SLC2A9: variants seen among roughly 807,000 people sequenced by gnomAD.
The protein encoded by SLC2A9 is solute carrier family 2, facilitated glucose transporter member 9.
Under a neutral mutation model 50.6 loss-of-function variants are expected in SLC2A9, and 39 were observed. The ratio of observed to expected loss-of-function variants is 0.77; its 90% CI spans 0.60 to 1.01. SLC2A9 has a LOEUF of 1.01. Ranked by LOEUF, SLC2A9 falls within the 50% of genes least tolerant of loss-of-function variation. The pLI is 0.00. For synonymous variants in SLC2A9, 324 were observed against 276.9 expected (o/e 1.17, Z -1.69); for missense variants, 686 against 677.6 (o/e 1.01, Z -0.14).
chr4:9,845,898 C>T (rs934204590), intron 10 of SLC2A9, among the ~76,000 whole-genome samples: 5 of 152,186 alleles, frequency 3.3e-5, no homozygotes, highest in South Asian at 4.1e-4. Flanking sequence ...AAACTCTTCA[C>T]GGGCATTCTG....
chr4:9,846,531 T>A (rs770362450), intron 10 of SLC2A9, among the ~76,000 whole-genome samples: 21 of 152,216 alleles, frequency 1.4e-4, no homozygotes, highest in Non-Finnish European at 1.5e-5. Flanking sequence ...TGGGCTCCTC[T>A]GGCTCTGCTG....
At chr4:9,990,398 A>G (rs895561326) in intron 3 of SLC2A9, among the ~76,000 whole-genome samples, 1 of 152,126 alleles carries the variant, frequency 6.6e-6, no homozygotes, top group African/African-American at 2.4e-5. Flanking sequence ...CCATAAATAC[A>G]TATGGTTCTT....
chr4:9,776,689 G>A (rs1717612305), downstream of SLC2A9, among the ~76,000 whole-genome samples: 1 of 152,170 alleles, frequency 6.6e-6, no homozygotes, highest in African/African-American at 2.4e-5. Flanking sequence ...ACCTAGATAT[G>A]CTCCACCATA....
At chr4:9,917,282 A>C (rs1379560015) in intron 7 of SLC2A9, among the ~76,000 whole-genome samples, 3 of 152,020 alleles carry the variant, frequency 2.0e-5, no homozygotes, top group African/African-American at 7.2e-5. Flanking sequence ...GAAATAAATA[A>C]ATAAATGTTG....
chr4:9,773,505 G>C (rs1717119108), intron 1 of SLC2A9, among the ~76,000 whole-genome samples: 1 of 152,210 alleles, frequency 6.6e-6, no homozygotes, highest in Non-Finnish European at 1.5e-5. Context: ...GAGGGTCAAT[G>C]AGTTCAAATA....
intron 7 of SLC2A9, among the ~76,000 whole-genome samples, chr4:9,919,905 G>A (rs2110080712): frequency 6.6e-6 from 1 of 152,246 alleles, no homozygotes; most frequent in South Asian, 2.1e-4. Context: ...ACCTCATGGA[G>A]AGACCTCCTC....
At chr4:10,010,205 A>G (rs916644114) in intron 2 of SLC2A9, among the ~76,000 whole-genome samples, 7 of 152,162 alleles carry the variant, frequency 4.6e-5, no homozygotes, top group African/African-American at 1.7e-4. Flanking sequence ...AACCCCAATA[A>G]AAATTTGGAA....
chr4:9,997,642 G>A (rs1219114768), intron 2 of SLC2A9, among the ~76,000 whole-genome samples: 1 of 152,130 alleles, frequency 6.6e-6, no homozygotes, highest in Non-Finnish European at 1.5e-5. Context: ...GGAGGTTGCA[G>A]TGAGCCAAGA....
At chr4:9,804,298 C>T (rs986054577) in intron 3 of SLC2A9, among the ~76,000 whole-genome samples, 7 of 152,128 alleles carry the variant, frequency 4.6e-5, no homozygotes, top group Admixed American at 6.5e-5. Context: ...GCCAGCAGGT[C>T]TAGGTTGAGA....
chr4:9,866,529 C>A (rs911051236), intron 10 of SLC2A9, among the ~76,000 whole-genome samples: 3 of 152,150 alleles, frequency 2.0e-5, no homozygotes, highest in Admixed American at 1.3e-4. Flanking sequence ...GTCACACGTG[C>A]CTCCTTGTTC....
In SLC2A9 at chr4:9,867,280, G is replaced by A. The variant is rs149815051; in HGVS notation, c.1291+20287C>T. On this transcript the variant is annotated intron_variant, in intron 10 of 11. Transcript: ENST00000264784. ...CTGCTAAAGAAGAAAGAAAGTAGACGCAGTGTTTCCTTCAAGGCCTGGTTC... is the reference window on the plus strand; with the variant it reads ...CTGCTAAAGAAGAAAGAAAGTAGACACAGTGTTTCCTTCAAGGCCTGGTTC... Among the ~76,000 whole-genome samples the A allele has an allele frequency of 2.9e-3, 446 of 152,288 alleles. 1 individual carries two copies. The highest frequency in any genetic ancestry group is 4.5e-3 in the Non-Finnish European group (309 of 68,030).
chr4:9,826,657 A>T (rs1725184700), intron 11 of SLC2A9, 57 bp from the exon 12 acceptor site: 16 of 1,508,414 alleles, frequency 1.1e-5, no homozygotes, highest in Non-Finnish European at 1.4e-5. Flanking sequence ...CTTGCTGTTA[A>T]ACCATCTCTA....
At chr4:9,993,228 T>C (rs1758019652) in intron 3 of SLC2A9, among the ~76,000 whole-genome samples, 1 of 152,228 alleles carries the variant, frequency 6.6e-6, no homozygotes, top group Non-Finnish European at 1.5e-5. Context: ...CTATAGTTTC[T>C]TATATGTTTT....
At chr4:9,797,790 T>C (rs1248684526), downstream of SLC2A9, among the ~76,000 whole-genome samples, 2 of 152,214 alleles carry the variant, frequency 1.3e-5, no homozygotes, top group Non-Finnish European at 2.9e-5. Context: ...TCCATGATCC[T>C]ACAATTTTTT....
intron 3 of SLC2A9, among the ~76,000 whole-genome samples, chr4:9,986,194 C>T (rs748192362): frequency 8.5e-5 from 13 of 152,124 alleles, no homozygotes; most frequent in Non-Finnish European, 1.3e-4. Context: ...ATTGAAGAAC[C>T]GAGATGTCAA....
chr4:9,990,718 G>A (rs1329459283), intron 3 of SLC2A9, among the ~76,000 whole-genome samples: 1 of 152,158 alleles, frequency 6.6e-6, no homozygotes, highest in Non-Finnish European at 1.5e-5. Flanking sequence ...TTGACTCTTT[G>A]TTTTACACTT....
chr4:9,947,890 C>T (rs1032855776), intron 5 of SLC2A9, among the ~76,000 whole-genome samples: 2 of 152,194 alleles, frequency 1.3e-5, no homozygotes, highest in Admixed American at 6.5e-5. Flanking sequence ...TTTCTGCCTC[C>T]TGACTGACCC....
intron 5 of SLC2A9, among the ~76,000 whole-genome samples, chr4:9,970,475 C>G (rs570478870): frequency 6.6e-6 from 1 of 151,902 alleles, no homozygotes; most frequent in South Asian, 2.1e-4. Context: ...TTGGGGTGGA[C>G]CAGGAGGGGC....
At chr4:9,832,923 A>AC (rs1726410709) in intron 11 of SLC2A9, among the ~76,000 whole-genome samples, 1 of 151,900 alleles carries the variant, frequency 6.6e-6, no homozygotes, top group Non-Finnish European at 1.5e-5. Flanking sequence ...CACACCCCAC[A>AC]CCCCTGAGTG....
Sources: allele counts gnomAD v4.1 joint callset (sites outside exome capture counted in the v4.1 genomes callset), GRCh38; gene constraint gnomAD v4.1.1; transcripts MANE v1.5; gene names NCBI Gene and HGNC (gene_info 2026-07-23, HGNC 2026-07-21).